The following BICD1 variants were observed in gnomAD, a reference collection of about 807,000 sequenced individuals.
BICD1 encodes the protein BICD cargo adaptor 1.
In BICD1, 35 loss-of-function variants were observed where a neutral mutation model predicts 92.5. The observed-to-expected ratio is 0.38, with a 90% CI of 0.29 to 0.50. The LOEUF is 0.50. BICD1 is among the 20% of genes least tolerant of loss of function. BICD1 has a pLI of 0.93. For synonymous variants in BICD1, 429 were observed against 465.1 expected, an observed-to-expected ratio of 0.92 and a Z score of 1.00; for missense variants, 950 against 1,189.8, an observed-to-expected ratio of 0.80 and a Z score of 2.97.
At chr12:32,177,743 A>T (rs1042892527) in intron 1 of BICD1, among the ~76,000 whole-genome samples, 2 of 2,602 alleles carry the variant, frequency 7.7e-4, no homozygotes, top group African/African-American at 1.3e-3. Context: ...ATATTTATAT[A>T]AAATATATAT....
chr12:32,356,468 AT>A (rs1396460479), intron 8 of BICD1, among the ~76,000 whole-genome samples: 5 of 151,612 alleles, frequency 3.3e-5, no homozygotes, highest in Non-Finnish European at 5.9e-5. Flanking sequence ...CCTTGGCAAC[AT>A]GGCAAAACCC....
chr12:32,228,878 T>C (rs1208184498), intron 2 of BICD1, among the ~76,000 whole-genome samples: 1 of 152,068 alleles, frequency 6.6e-6, no homozygotes, highest in Non-Finnish European at 1.5e-5. Flanking sequence ...CTATTAGAGG[T>C]CCACCTGTGG....
intron 3 of BICD1, among the ~76,000 whole-genome samples, chr12:32,301,171 C>G (rs970161225): frequency 1.3e-5 from 2 of 152,212 alleles, no homozygotes; most frequent in Non-Finnish European, 2.9e-5. Flanking sequence ...CTGGATTCCT[C>G]TCTTCCTCCA....
chr12:32,164,534 G>A (rs952821801), intron 1 of BICD1, among the ~76,000 whole-genome samples: 39 of 152,114 alleles, frequency 2.6e-4, no homozygotes, highest in Admixed American at 2.4e-3. Context: ...AATTTCCACT[G>A]CATGGAGGAA....
chr12:32,332,359 G>A (rs909465615), intron 5 of BICD1: 2 of 783,468 alleles, frequency 2.6e-6, no homozygotes, highest in Non-Finnish European at 3.1e-6. Flanking sequence ...TGCACATCCT[G>A]CAGCTGTACC....
chr12:32,336,836 G>A (rs955625286), intron 6 of BICD1, among the ~76,000 whole-genome samples: 9 of 152,198 alleles, frequency 5.9e-5, no homozygotes, highest in Admixed American at 5.2e-4. Flanking sequence ...TATGGGCTGG[G>A]TGCAGTGGCT....
intron 1 of BICD1, among the ~76,000 whole-genome samples, chr12:32,151,796 C>T (rs1234240758): frequency 1.3e-5 from 2 of 152,160 alleles, no homozygotes; most frequent in East Asian, 1.9e-4. Context: ...TGCAGGGCAT[C>T]CCTACCTCTG....
chr12:32,297,169 C>G (rs1947897920), intron 3 of BICD1, among the ~76,000 whole-genome samples: 1 of 152,088 alleles, frequency 6.6e-6, no homozygotes, highest in Non-Finnish European at 1.5e-5. Context: ...TAGATGCTAG[C>G]ATCTATCATA....
chr12:32,236,993 G>T (rs1350261421), intron 2 of BICD1, among the ~76,000 whole-genome samples: 1 of 147,862 alleles, frequency 6.8e-6, no homozygotes, highest in Non-Finnish European at 1.5e-5. Flanking sequence ...TCCTGCCTCA[G>T]CCTCCCATGT....
At chr12:32,235,639 A>G (rs567628357) in intron 2 of BICD1, among the ~76,000 whole-genome samples, 25 of 150,084 alleles carry the variant, frequency 1.7e-4, no homozygotes, top group South Asian at 1.3e-3. Flanking sequence ...TCAACAGCAT[A>G]TGCTCCTTTT....
chr12:32,237,691 C>T (rs1311177049), intron 2 of BICD1, among the ~76,000 whole-genome samples: 3 of 152,156 alleles, frequency 2.0e-5, no homozygotes, highest in Non-Finnish European at 2.9e-5. Context: ...AATGACAGCA[C>T]GTCTGTTTAT....
intron 2 of BICD1, among the ~76,000 whole-genome samples, chr12:32,259,014 C>T (rs963349846): frequency 6.6e-6 from 1 of 152,188 alleles, no homozygotes; most frequent in African/African-American, 2.4e-5. Context: ...CTTTCACAGT[C>T]TGCTAAGTAA....
chr12:32,376,793 G>C (rs1394775758), intron 9 of BICD1, among the ~76,000 whole-genome samples: 1 of 150,064 alleles, frequency 6.7e-6, no homozygotes, highest in Non-Finnish European at 1.5e-5. Context: ...GCTTGAACTC[G>C]GGAGGCGGAG....
At position 32,328,033 on chromosome 12, in the gene BICD1, T is replaced by C; in HGVS notation, c.1578T>C (p.Asn526=). 1 of 1,614,102 alleles carries C rather than the reference T, an allele frequency of 6.2e-7. No individual in the cohort carries two copies. Among genetic ancestry groups the C allele is most frequent in the Non-Finnish European group, 8.5e-7 (1 of 1,180,010 alleles). ...TTTACCACCATGTGTGTCTATGTAA[T>C]AATGAAACTCCCAACAGGGTCATGC... ...AQLYHHVCLC[N]NETPNRVMLD... is the part of the protein sequence containing the mutation. The change falls in exon 5 of 10, where the codon AAT becomes AAC. Residue 526 remains asparagine (N), a synonymous_variant. Coordinates refer to ENST00000652176, the MANE Select transcript of BICD1 (RefSeq NM_001714.4). This position sits in a 1 kb window ranked among gnomAD's most constrained non-coding sequence, Gnocchi z 4.4.
chr12:32,148,149 A>AAAAG (rs1943173340), intron 1 of BICD1, among the ~76,000 whole-genome samples: 2 of 150,934 alleles, frequency 1.3e-5, no homozygotes, highest in Non-Finnish European at 3.0e-5. Context: ...CTCCAAAAAA[A>AAAAG]AAAGAATCTG....
At position 32,337,996 on chromosome 12, in the gene BICD1, G is replaced by A; in HGVS notation, c.2570+180G>A. On this transcript the variant is annotated intron_variant, in intron 7 of 9. Coordinates refer to ENST00000652176, the MANE Select transcript of BICD1 (RefSeq NM_001714.4). The surrounding 1 kb of genome is among the most constrained non-coding windows in gnomAD (Gnocchi z 4.7). The stretch of plus-strand genomic sequence containing the variant: ...AGATCAAAACCTTTTTGATAATTGT[G>A]TTTATGTAGTCCTTTCTAACCCCCT... The A allele has an allele frequency of 1.6e-6, 1 of 623,816 alleles. No individual in the cohort carries two copies. The highest frequency in any genetic ancestry group is 2.1e-5 in the South Asian group (1 of 48,074). 38.6% of individuals were successfully genotyped at this position (623,816 alleles called of 1,614,324 possible).
At chr12:32,296,246 GTTTTTTTTTGTTTTTTTTTT>G (rs1342551271) in intron 3 of BICD1, among the ~76,000 whole-genome samples, 1 of 108,610 alleles carries the variant, frequency 9.2e-6, no homozygotes, top group Non-Finnish European at 1.8e-5. Context: ...ATAAGAAGGG[GTTTTTTTTTGTTTTTTTTTT>G]TTTTTTTTGA....
intron 2 of BICD1, among the ~76,000 whole-genome samples, chr12:32,237,555 GGCTAATACA>G (rs1325117724): frequency 6.6e-6 from 1 of 152,084 alleles, no homozygotes; most frequent in Non-Finnish European, 1.5e-5. Flanking sequence ...TCTTGTTAGG[GGCTAATACA>G]GCTTGTGACT....
At chr12:32,251,947 GT>G (rs1555156925) in intron 2 of BICD1, among the ~76,000 whole-genome samples, 1 of 114,560 alleles carries the variant, frequency 8.7e-6, no homozygotes. Flanking sequence ...TCGGGAGTTT[GT>G]TTTTTTTACA....
Sources: gnomAD v4.1 joint callset for allele counts (sites outside exome capture counted in the v4.1 genomes callset) on GRCh38, gnomAD v4.1.1 for gene constraint, Gnocchi (gnomAD v3.1) non-coding constraint, MANE v1.5 for transcripts, NCBI Gene and HGNC (gene_info 2026-07-23, HGNC 2026-07-21) for gene names.